LSM12: variants seen among roughly 807,000 people sequenced by gnomAD.
The protein encoded by LSM12 is LSM12 homolog.
For synonymous variants in LSM12, 74 were observed against 87.3 expected (o/e 0.85, Z 0.85); for missense variants, 108 against 238.9 (o/e 0.45, Z 3.61).
intron 3 of LSM12, among the ~76,000 whole-genome samples, chr17:44,038,783 T>C (rs191128896): frequency 1.2e-3 from 181 of 152,334 alleles, no homozygotes; most frequent in African/African-American, 4.1e-3. Flanking sequence ...CTTGCCAGAC[T>C]GGGAAAACCC....
intron 1 of LSM12, among the ~76,000 whole-genome samples, chr17:44,065,887 A>T (rs1228510583): frequency 6.6e-6 from 1 of 151,750 alleles, no homozygotes; most frequent in African/African-American, 2.4e-5. Flanking sequence ...ATACACACGC[A>T]TCAGCGAAAC....
Position 44,063,854 on chromosome 17 carries a change from T to G in LSM12, c.205A>C (p.Ile69Leu), listed in dbSNP as rs759013794. The G allele has an allele frequency of 5.0e-6, 8 of 1,614,094 alleles. No individual in the cohort carries two copies. Among genetic ancestry groups the G allele is most frequent in the Non-Finnish European group, 8.5e-7 (1 of 1,180,028 alleles). Residue 69 changes from isoleucine to leucine, a missense_variant, in exon 2 of 5, where the codon ATT becomes CTT. Transcript: ENST00000293406. The part of the protein sequence containing the change: ...NLQYVSEVEI[I>L]NDRTETPPPL... ...GGAGGGGTTTCTGTTCGGTCATTAA[T>G]TATTTCCACTTCTGAAACATACTGT...
rs574251882 is a variant in LSM12, at chr17:44,043,687, C to T, written c.259-3431G>A. ...ACAATGCCTTAAGAAAATCTGAAGT[C>T]GGCCAGCGCTGTGGCTCACGCCTGT... On this transcript the variant is annotated intron_variant, in intron 2 of 4. Coordinates refer to ENST00000293406, the MANE Select transcript of LSM12 (RefSeq NM_001371445.1). Among the ~76,000 whole-genome samples the T allele has an allele frequency of 1.9e-4, 29 of 151,162 alleles. No homozygotes were observed. In the South Asian group the frequency reaches 5.6e-3, roughly 29 times the overall value.
At chr17:44,049,623 G>A (rs1441803133) in intron 2 of LSM12, among the ~76,000 whole-genome samples, 4 of 152,258 alleles carry the variant, frequency 2.6e-5, no homozygotes, top group East Asian at 3.9e-4. Flanking sequence ...TTGTCTGCAC[G>A]CAGTGACATG....
chr17:44,038,347 C>A (rs2049442277), intron 3 of LSM12, among the ~76,000 whole-genome samples: 1 of 148,342 alleles, frequency 6.7e-6, no homozygotes. Flanking sequence ...AAAAGTGAGA[C>A]CCTGTCTCAA....
chr17:44,062,791 G>A (rs577557354), intron 2 of LSM12, among the ~76,000 whole-genome samples: 2 of 152,100 alleles, frequency 1.3e-5, no homozygotes, highest in Non-Finnish European at 2.9e-5. Flanking sequence ...GGGAGGCCGA[G>A]GCAAGCAGAC....
upstream of LSM12, among the ~76,000 whole-genome samples, chr17:44,067,087 G>A (rs1351359404): frequency 6.6e-6 from 1 of 152,174 alleles, no homozygotes; most frequent in Non-Finnish European, 1.5e-5. Flanking sequence ...ATCACCTGAG[G>A]TCAGGGGTTC....
intron 2 of LSM12, among the ~76,000 whole-genome samples, chr17:44,057,304 C>T (rs536319779): frequency 1.3e-5 from 2 of 150,232 alleles, no homozygotes; most frequent in African/African-American, 4.9e-5. Context: ...CACATGCCAC[C>T]ACGCCCAGCT....
At chr17:44,040,301 C>T (rs548583459) in intron 2 of LSM12, 45 bp from the exon 3 acceptor site, 44 of 1,446,052 alleles carry the variant, frequency 3.0e-5, no homozygotes, top group South Asian at 2.7e-4. Flanking sequence ...GATTCATCTT[C>T]ATTCTTGCCA....
chr17:44,044,874 G>A (rs1236435201), intron 2 of LSM12, among the ~76,000 whole-genome samples: 2 of 152,108 alleles, frequency 1.3e-5, no homozygotes, highest in Non-Finnish European at 2.9e-5. Flanking sequence ...TTTTGCAAAT[G>A]ACTATATACC....
Position 44,063,810 on chromosome 17 carries a change from A to G in LSM12, c.249T>C (p.Asn83=), listed in dbSNP as rs775357452. Reference sequence around the variant, plus strand: ...GCCCTTGAGTCCTTACCTTACTAACATTGAGTGAAGCTAGGGGAGGAGGGG... The same window carrying G: ...GCCCTTGAGTCCTTACCTTACTAACGTTGAGTGAAGCTAGGGGAGGAGGGG... ...TETPPPLASL[N]VSKLASKART... is the part of the protein sequence containing the mutation. Residue 83 remains asparagine, a synonymous_variant, in exon 2 of 5, where the codon AAT becomes AAC. Coordinates refer to ENST00000293406, the MANE Select transcript of LSM12 (RefSeq NM_001371445.1). The G allele has an allele frequency of 5.6e-6, 9 of 1,613,638 alleles. No individual in the cohort carries two copies. The South Asian group carries it at 6.6e-5, about 12-fold the overall frequency.
At chr17:44,045,246 TCGAACTCCTGAC>T (rs2049546782) in intron 2 of LSM12, among the ~76,000 whole-genome samples, 1 of 152,104 alleles carries the variant, frequency 6.6e-6, no homozygotes, top group South Asian at 2.1e-4. Context: ...CAGGCTGGTC[TCGAACTCCTGAC>T]CTCGTGATCT....
At chr17:44,053,947 C>T (rs2049678032) in intron 2 of LSM12, among the ~76,000 whole-genome samples, 1 of 152,176 alleles carries the variant, frequency 6.6e-6, no homozygotes, top group Non-Finnish European at 1.5e-5. Flanking sequence ...GGAATTACCA[C>T]CACTGACCCA....
chr17:44,039,299 C>T (rs768780103), intron 3 of LSM12, among the ~76,000 whole-genome samples: 2 of 151,980 alleles, frequency 1.3e-5, no homozygotes, highest in Non-Finnish European at 2.9e-5. Flanking sequence ...AGGTGAACCG[C>T]CCACCTCGGC....
intron 2 of LSM12, among the ~76,000 whole-genome samples, chr17:44,062,593 A>G (rs1486022933): frequency 6.6e-6 from 1 of 152,086 alleles, no homozygotes; most frequent in African/African-American, 2.4e-5. Flanking sequence ...AATTGTCAAA[A>G]AAGTGACTTA....
chr17:44,064,059 T>G (rs540962342), intron 1 of LSM12, 125 bp from the exon 2 acceptor site: 1 of 1,024,310 alleles, frequency 9.8e-7, no homozygotes, highest in African/African-American at 1.6e-5. Flanking sequence ...CATGAGGGCC[T>G]TATAAGAATC....
intron 3 of LSM12, among the ~76,000 whole-genome samples, chr17:44,038,875 C>A (rs1024070211): frequency 2.0e-5 from 3 of 152,140 alleles, no homozygotes; most frequent in Admixed American, 1.3e-4. Context: ...TTCAGATACT[C>A]ACACCACAGC....
intron 2 of LSM12, among the ~76,000 whole-genome samples, chr17:44,048,758 C>G (rs1433739616): frequency 6.6e-6 from 1 of 152,206 alleles, no homozygotes; most frequent in South Asian, 2.1e-4. Context: ...GCTCTCCTTT[C>G]ATTCTGCATG....
intron 2 of LSM12, among the ~76,000 whole-genome samples, chr17:44,059,479 C>A (rs1437360590): frequency 6.6e-6 from 1 of 152,076 alleles, no homozygotes; most frequent in East Asian, 1.9e-4. Flanking sequence ...GTAATCCCAG[C>A]TACTCAGGAG....
Sources: allele counts gnomAD v4.1 joint callset (sites outside exome capture counted in the v4.1 genomes callset), GRCh38; gene constraint gnomAD v4.1.1; transcripts MANE v1.5; gene names NCBI Gene and HGNC (gene_info 2026-07-23, HGNC 2026-07-21).